The following CADM4 variants were observed in gnomAD, a reference collection of about 807,000 sequenced individuals.
CADM4 encodes the protein TSLC1-like 2.
In CADM4, 13 loss-of-function variants were observed where a neutral mutation model predicts 43.9. The ratio of observed to expected loss-of-function variants is 0.30; its 90% CI spans 0.19 to 0.47. CADM4 has a LOEUF of 0.47. Among genes scored for constraint, CADM4 ranks in the 20% least tolerant of loss-of-function variants. CADM4 has a pLI of 1.00. For missense variants in CADM4, 420 were observed against 527.0 expected (o/e 0.80, Z 1.99); for synonymous variants, 209 against 220.9 (o/e 0.95, Z 0.48).
intron 1 of CADM4, among the ~76,000 whole-genome samples, chr19:43,636,402 G>C (rs1178793700): frequency 6.6e-6 from 1 of 152,072 alleles, no homozygotes; most frequent in Non-Finnish European, 1.5e-5. Context: ...GAACCTCCAC[G>C]CCCAGTGCCC....
chr19:43,639,882 C>T (rs2052099080), upstream of CADM4: 1 of 951,924 alleles, frequency 1.1e-6, no homozygotes, highest in African/African-American at 1.8e-5. Flanking sequence ...CCGCCCCCTG[C>T]CCGCCCGGGG....
At chr19:43,633,071 CA>C (rs1167707172) in intron 1 of CADM4, among the ~76,000 whole-genome samples, 1,361 of 56,988 alleles carry the variant, frequency 0.024, 9 homozygotes, top group African/African-American at 0.071. Flanking sequence ...GACTCTGTCT[CA>C]AAAAAAAAAA....
At chr19:43,637,893 A>G (rs922895187) in intron 1 of CADM4, among the ~76,000 whole-genome samples, 3 of 152,194 alleles carry the variant, frequency 2.0e-5, no homozygotes, top group Non-Finnish European at 2.9e-5. Context: ...AAGATTCTAA[A>G]GCCTTCTGGA....
Position 43,625,052 on chromosome 19 carries a change from C to G in CADM4, c.928+26G>C. 2 of 1,483,236 alleles carry G rather than the reference C, an allele frequency of 1.3e-6. No homozygotes were observed. Among genetic ancestry groups the G allele is most frequent in the South Asian group, 1.4e-5 (1 of 73,942 alleles). The allele number at this position is 1,483,236 out of a possible 1,614,324, so 91.9% of individuals were successfully genotyped here. A position where few individuals can be genotyped will look rare whatever the true frequency, so the allele number is the denominator to read the frequency against. On this transcript the variant is annotated intron_variant, in intron 7 of 8. Coordinates refer to ENST00000222374, the MANE Select transcript of CADM4 (RefSeq NM_145296.2). This position sits in a 1 kb window ranked among gnomAD's most constrained non-coding sequence, Gnocchi z 4.5. ...CGCCACCTGGCGCCCCGCCCCCGCC[C>G]TCAGTCGGCCGCAGCCTGCTCTCAC... is the stretch of plus-strand genomic sequence containing the variant.
chr19:43,627,590 G>A lies in CADM4; in HGVS notation c.211+54C>T. The A allele has an allele frequency of 4.5e-6, 7 of 1,565,940 alleles. No homozygotes were observed. Among genetic ancestry groups the A allele is most frequent in the Non-Finnish European group, 5.2e-6 (6 of 1,145,514 alleles). On this transcript the variant is annotated intron_variant, in intron 2 of 8. Transcript: ENST00000222374. The surrounding 1 kb of genome is among the most constrained non-coding windows in gnomAD (Gnocchi z 4.0). The stretch of plus-strand genomic sequence containing the variant: ...GTCCTCTTTCAGGACATGGGAGCCT[G>A]GGCCCCAGCCCTCTCTTCCTTTAAG...
rs373733980 is a variant in CADM4 at position 43,622,625 on chromosome 19, C to G, written c.*705G>C. 6 of 152,568 alleles carry G rather than the reference C, an allele frequency of 3.9e-5. No individual in the cohort carries two copies. The highest frequency in any genetic ancestry group is 1.4e-4 in the African/African-American group (6 of 41,422). 9.5% of individuals were successfully genotyped at this position (152,568 alleles called of 1,614,324 possible). ...CTCCCCAAACTCCTTTCCCCCTCCC[C>G]GGGGGGCCTGGAGGAGAGATGGGGA... is the stretch of plus-strand genomic sequence containing the variant. On this transcript the variant is annotated 3_prime_UTR_variant, in exon 9 of 9. Coordinates refer to ENST00000222374, the MANE Select transcript of CADM4 (RefSeq NM_145296.2).
At chr19:43,634,504 G>C (rs1973673697) in intron 1 of CADM4, among the ~76,000 whole-genome samples, 1 of 152,018 alleles carries the variant, frequency 6.6e-6, no homozygotes, top group Admixed American at 6.6e-5. Flanking sequence ...GGGTGAGGGT[G>C]GGGGTCTTTT....
chr19:43,641,525 C>T (rs998666242), upstream of CADM4, among the ~76,000 whole-genome samples: 1 of 152,154 alleles, frequency 6.6e-6, no homozygotes, highest in Non-Finnish European at 1.5e-5. Flanking sequence ...CAGGTCCAAG[C>T]TCCCATCAAC....
Position 43,626,211 on chromosome 19 carries a change from C to T in CADM4, c.577G>A (p.Asp193Asn). Residue 193 changes from aspartate to asparagine, a missense_variant, in exon 5 of 9, where the codon GAC (aspartate) becomes AAC (asparagine). Coordinates refer to ENST00000222374, the MANE Select transcript of CADM4 (RefSeq NM_145296.2). The surrounding 1 kb of genome is among the most constrained non-coding windows in gnomAD (Gnocchi z 5.9). ...GCCTCACAGATGATGATACCACCGT[C>T]GTCCTTACGGTCCACACGAAACCGT... Reference protein sequence around the residue: ...TVRFRVDRKDDGGIIICEAQN... With the variant: ...TVRFRVDRKDNGGIIICEAQN... 2 of 1,613,840 alleles carry T rather than the reference C, an allele frequency of 1.2e-6. No individual in the cohort carries two copies. The highest frequency in any genetic ancestry group is 1.1e-5 in the South Asian group (1 of 91,076).
At chr19:43,634,467 C>T (rs189382767) in intron 1 of CADM4, among the ~76,000 whole-genome samples, 69 of 152,226 alleles carry the variant, frequency 4.5e-4, no homozygotes, top group Admixed American at 9.2e-4. Flanking sequence ...AAATTTATCC[C>T]CTGCTCTCTG....
At chr19:43,635,860 A>AG (rs1417375298) in intron 1 of CADM4, among the ~76,000 whole-genome samples, 2 of 88,394 alleles carry the variant, frequency 2.3e-5, no homozygotes, top group African/African-American at 9.2e-5. Context: ...CTAAGACCCC[A>AG]GCCCCTCCTC....
At chr19:43,640,342 G>C (rs1973760156), upstream of CADM4, among the ~76,000 whole-genome samples, 1 of 151,768 alleles carries the variant, frequency 6.6e-6, no homozygotes, top group Non-Finnish European at 1.5e-5. Context: ...TGAGAGGCGT[G>C]CTGCGGGCAG....
In CADM4 at chr19:43,624,246, C is replaced by A; in HGVS notation, c.929-4G>T. On this transcript the variant is annotated splice_polypyrimidine_tract_variant and splice_region_variant and intron_variant, in intron 7 of 8. Transcript: ENST00000222374. ...GCCTCTACCACCGCACCAGGGTCTG[C>A]CAGAGGGACACGGCACAGGACCAGG... 6.2e-7 allele frequency: 1 copy of A among 1,614,172 alleles called. No homozygotes were observed. The highest frequency in any genetic ancestry group is 8.5e-7 in the Non-Finnish European group (1 of 1,180,028).
chr19:43,637,767 T>C (rs960776061), intron 1 of CADM4, among the ~76,000 whole-genome samples: 1 of 152,188 alleles, frequency 6.6e-6, no homozygotes, highest in African/African-American at 2.4e-5. Context: ...GTCAGGATTC[T>C]AAATGTCATA....
chr19:43,641,670 T>G (rs2146169645), upstream of CADM4, among the ~76,000 whole-genome samples: 1 of 152,316 alleles, frequency 6.6e-6, no homozygotes, highest in South Asian at 2.1e-4. Flanking sequence ...TAACTGCCCC[T>G]GTGTCCCCAG....
chr19:43,634,224 T>C (rs1420453783), intron 1 of CADM4, among the ~76,000 whole-genome samples: 2 of 152,188 alleles, frequency 1.3e-5, no homozygotes, highest in African/African-American at 4.8e-5. Flanking sequence ...TGCAAGGCTG[T>C]TTTAGTGCAA....
Position 43,623,822 on chromosome 19 carries a change from C to T in CADM4, c.1057+292G>A, listed in dbSNP as rs1000998533. ...CCATGGTGCCCAGGCTGGTCTCGAC[C>T]TCCTAGCTTCTCAAGTGCTTTATCC... On this transcript the variant is annotated intron_variant, in intron 8 of 8. Transcript: ENST00000222374. This position sits in a 1 kb window ranked among gnomAD's most constrained non-coding sequence, Gnocchi z 4.4. Among the ~76,000 whole-genome samples the T allele has an allele frequency of 2.6e-5, 4 of 152,170 alleles. No individual in the cohort carries two copies. The highest frequency in any genetic ancestry group is 6.5e-5 in the Admixed American group (1 of 15,290).
Position 43,626,345 on chromosome 19 carries a change from C to T in CADM4, c.500-57G>A. 1.3e-6 allele frequency: 2 copies of T among 1,584,648 alleles called. No individual in the cohort carries two copies. Among genetic ancestry groups the T allele is most frequent in the African/African-American group, 1.3e-5 (1 of 74,718 alleles). ...ACAATTCCGGCTCCATCCACCCACC[C>T]ACCCGAGCCAACGCCAAAGCAGGCT... On this transcript the variant is annotated intron_variant, in intron 4 of 8. Coordinates refer to ENST00000222374, the MANE Select transcript of CADM4 (RefSeq NM_145296.2). This position sits in a 1 kb window ranked among gnomAD's most constrained non-coding sequence, Gnocchi z 5.9.
At position 43,623,214 on chromosome 19, in the gene CADM4, T is replaced by G. The variant is rs947004225; in HGVS notation, c.*116A>C. 9 of 753,122 alleles carry G rather than the reference T, an allele frequency of 1.2e-5. No homozygotes were observed. In the Admixed American group the frequency reaches 1.3e-4, roughly 11 times the overall value. 46.7% of individuals were successfully genotyped at this position (753,122 alleles called of 1,614,324 possible). A position where few individuals can be genotyped will look rare whatever the true frequency, so the allele number is the denominator to read the frequency against. ...GCCCAAGCGTCTGAGGTGTTAGTGGTGGGGGGAGAAGCCCACCATCCCAGA... is the reference window on the plus strand; with the variant it reads ...GCCCAAGCGTCTGAGGTGTTAGTGGGGGGGGGAGAAGCCCACCATCCCAGA... On this transcript the variant is annotated 3_prime_UTR_variant, in exon 9 of 9. Transcript: ENST00000222374. This position sits in a 1 kb window ranked among gnomAD's most constrained non-coding sequence, Gnocchi z 4.4.
Sources: allele counts gnomAD v4.1 joint callset (sites outside exome capture counted in the v4.1 genomes callset), GRCh38; gene constraint gnomAD v4.1.1; non-coding constraint Gnocchi (gnomAD v3.1); transcripts MANE v1.5; gene names NCBI Gene and HGNC (gene_info 2026-07-23, HGNC 2026-07-21).